GRID2: variants seen among roughly 807,000 people sequenced by gnomAD.
GRID2 encodes glutamate receptor ionotropic, delta-2.
In GRID2, 33 loss-of-function variants were observed where a neutral mutation model predicts 114.8. The ratio of observed to expected loss-of-function variants is 0.29; its 90% CI spans 0.22 to 0.38. The LOEUF (loss-of-function observed/expected upper bound fraction) is 0.38, where lower values mean the gene tolerates loss of function less well. GRID2 is among the 10% of genes least tolerant of loss of function. The probability of loss-of-function intolerance (pLI) is 1.00; values close to 1 mark genes in which losing one functional copy is unlikely to be tolerated. For synonymous variants in GRID2, 505 were observed against 449.9 expected (o/e 1.12, Z -1.55); for missense variants, 1,184 against 1,257.7 (o/e 0.94, Z 0.89).
chr4:93,306,364 C>T (rs1201825784), intron 8 of GRID2: 8 of 152,126 alleles, frequency 5.3e-5, no homozygotes, highest in Non-Finnish European at 1.0e-4. Context: ...TTATTAAATT[C>T]CCCTACACTA....
chr4:93,403,464 CA>C (rs1296954447), intron 9 of GRID2, among the ~76,000 whole-genome samples: 5 of 151,810 alleles, frequency 3.3e-5, no homozygotes, highest in Non-Finnish European at 7.4e-5. Context: ...GAAATAATTG[CA>C]AATCATATAT....
chr4:93,262,141 A>C (rs1036030411), intron 8 of GRID2, among the ~76,000 whole-genome samples: 2 of 151,812 alleles, frequency 1.3e-5, no homozygotes, highest in African/African-American at 4.8e-5. Flanking sequence ...ACTAACAAAA[A>C]TATCAGTTAC....
chr4:93,136,782 G>C (rs1294880828), intron 4 of GRID2, among the ~76,000 whole-genome samples: 5 of 152,114 alleles, frequency 3.3e-5, no homozygotes, highest in Non-Finnish European at 5.9e-5. Context: ...TTAAATTTGT[G>C]ATTTAAGGTG....
chr4:93,206,735 T>C (rs928918347), intron 4 of GRID2, among the ~76,000 whole-genome samples: 2 of 152,120 alleles, frequency 1.3e-5, no homozygotes, highest in Non-Finnish European at 2.9e-5. Context: ...ATATTTTTAT[T>C]CTTCCTTTTA....
At chr4:93,339,474 A>G (rs1420799720) in intron 8 of GRID2, among the ~76,000 whole-genome samples, 2 of 152,116 alleles carry the variant, frequency 1.3e-5, no homozygotes, top group Non-Finnish European at 2.9e-5. Flanking sequence ...GCCAACCACC[A>G]AAAGCTAGGA....
rs202119108 is a variant in GRID2 at position 93,155,485 on chromosome 4, G to A, written c.735+44532G>A. ...TCATTTGATAAACATCTCTATTACT[G>A]CACTTAACAAATTTTATTGTAATGA... is the stretch of plus-strand genomic sequence containing the variant. On this transcript the variant is annotated intron_variant, in intron 4 of 15. Transcript: ENST00000282020. Among the ~76,000 whole-genome samples the A allele has an allele frequency of 2.6e-5, 4 of 151,814 alleles. No homozygotes were observed. The East Asian group carries it at 5.8e-4, about 22-fold the overall frequency.
intron 1 of GRID2, among the ~76,000 whole-genome samples, chr4:92,355,855 G>C (rs544710510): frequency 6.6e-6 from 1 of 151,798 alleles, no homozygotes; most frequent in East Asian, 1.9e-4. Flanking sequence ...ATTTCAACTT[G>C]TTTTCACAAA....
chr4:93,075,945 C>T (rs1729246196), intron 2 of GRID2, among the ~76,000 whole-genome samples: 1 of 130,808 alleles, frequency 7.6e-6, no homozygotes, highest in Admixed American at 8.2e-5. Context: ...GCTCTGTCAC[C>T]CAGGCTGAAG....
At chr4:92,968,065 T>G (rs2149166653) in intron 2 of GRID2, among the ~76,000 whole-genome samples, 1 of 151,826 alleles carries the variant, frequency 6.6e-6, no homozygotes, top group African/African-American at 2.4e-5. Flanking sequence ...ACAAAAACAT[T>G]TTGGAGTATA....
At chr4:93,404,042 A>G (rs1766172464) in intron 9 of GRID2, among the ~76,000 whole-genome samples, 1 of 152,166 alleles carries the variant, frequency 6.6e-6, no homozygotes, top group Non-Finnish European at 1.5e-5. Context: ...TTATTTGGCA[A>G]TAGAATGAAA....
chr4:93,766,188 C>T (rs887552111), intron 14 of GRID2, among the ~76,000 whole-genome samples: 17 of 152,130 alleles, frequency 1.1e-4, no homozygotes, highest in African/African-American at 4.1e-4. Context: ...AATTCTTACA[C>T]TTTCACAGTG....
rs201218643 is a variant in GRID2, at chr4:93,326,589, T to C, written c.1246-69018T>C. ...TTGAGAGAGCCAATCCAATTATTCA[T>C]CACTTTTTTTTTTTCCTTTTTCTTC... On this transcript the variant is annotated intron_variant, in intron 8 of 15. Coordinates refer to ENST00000282020, the MANE Select transcript of GRID2 (RefSeq NM_001510.4). 3.2e-4 allele frequency among the ~76,000 whole-genome samples: 49 copies of C among 151,782 alleles called. 1 individual carries two copies. Among genetic ancestry groups the C allele is most frequent in the East Asian group, 1.4e-3 (7 of 5,160 alleles).
intron 2 of GRID2, among the ~76,000 whole-genome samples, chr4:92,683,738 T>C (rs1733766098): frequency 6.6e-6 from 1 of 151,830 alleles, no homozygotes; most frequent in Admixed American, 6.6e-5. Context: ...TACAAATGCA[T>C]GAAAACAAAT....
intron 14 of GRID2, among the ~76,000 whole-genome samples, chr4:93,762,533 T>C (rs558360685): frequency 2.0e-5 from 3 of 152,198 alleles, no homozygotes; most frequent in East Asian, 1.9e-4. Flanking sequence ...GTAAGAAGGA[T>C]ATTCAGGAGA....
chr4:93,033,927 G>T (rs1724675702), intron 2 of GRID2, among the ~76,000 whole-genome samples: 1 of 152,062 alleles, frequency 6.6e-6, no homozygotes. Flanking sequence ...GACTGACATT[G>T]GTCATAGAAA....
intron 2 of GRID2, among the ~76,000 whole-genome samples, chr4:92,964,088 T>C (rs561404325): frequency 2.8e-4 from 43 of 152,134 alleles, no homozygotes; most frequent in Admixed American, 2.0e-3. Context: ...CAAGCTTTGT[T>C]GTTCCATTAA....
intron 2 of GRID2, among the ~76,000 whole-genome samples, chr4:93,039,172 C>A (rs1725240033): frequency 6.6e-6 from 1 of 152,078 alleles, no homozygotes; most frequent in Non-Finnish European, 1.5e-5. Flanking sequence ...TTTGCAGGAA[C>A]ATGGATGAAG....
In GRID2 at chr4:92,619,315, G is replaced by A. The variant is rs79578744; in HGVS notation, c.244+29029G>A. On this transcript the variant is annotated intron_variant, in intron 2 of 15. Coordinates refer to ENST00000282020, the MANE Select transcript of GRID2 (RefSeq NM_001510.4). ...GAGAAGCAATATGTAGGCAGCTAGAGCCCTCTCCAGTATTTCCTGAGCATA... is the reference window on the plus strand; with the variant it reads ...GAGAAGCAATATGTAGGCAGCTAGAACCCTCTCCAGTATTTCCTGAGCATA... Among the ~76,000 whole-genome samples, 1,230 of 151,784 alleles carry A rather than the reference G, an allele frequency of 8.1e-3. 20 individuals carry two copies. Among genetic ancestry groups the A allele is most frequent in the African/African-American group, 0.029 (1,186 of 41,468 alleles).
chr4:93,217,337 G>A (rs1482105024), intron 6 of GRID2: 4 of 154,820 alleles, frequency 2.6e-5, no homozygotes, highest in Non-Finnish European at 5.7e-5. Flanking sequence ...AAAAAAATTA[G>A]ATATGAAAAA....
Sources: gnomAD v4.1 joint callset for allele counts (sites outside exome capture counted in the v4.1 genomes callset) on GRCh38, gnomAD v4.1.1 for gene constraint, MANE v1.5 for transcripts, NCBI Gene and HGNC (gene_info 2026-07-23, HGNC 2026-07-21) for gene names.